The following MBNL1 variants were observed in gnomAD, a reference collection of about 807,000 sequenced individuals.
The protein encoded by MBNL1 is muscleblind like splicing regulator 1, also known as muscleblind-like protein 1.
A neutral mutation model predicts 42.2 loss-of-function variants in MBNL1; 8 were observed. The observed-to-expected ratio is 0.19, with a 90% confidence interval of 0.11 to 0.34. The LOEUF is 0.34. Ranked by LOEUF, MBNL1 falls within the 10% of genes least tolerant of loss-of-function variation. The pLI is 1.00. For synonymous variants in MBNL1, 169 were observed against 173.9 expected (o/e 0.97, Z 0.22); for missense variants, 309 against 495.3 (o/e 0.62, Z 3.57).
chr3:152,271,177 T>C (rs1274081875), intron 1 of MBNL1, among the ~76,000 whole-genome samples: 1 of 152,210 alleles, frequency 6.6e-6, no homozygotes, highest in African/African-American at 2.4e-5. Flanking sequence ...ATTTCCACAT[T>C]TGAGGCAAAG....
At chr3:152,406,417 G>T (rs1322726566) in intron 2 of MBNL1, among the ~76,000 whole-genome samples, 2 of 152,172 alleles carry the variant, frequency 1.3e-5, no homozygotes, top group Non-Finnish European at 2.9e-5. Context: ...TGCAACAGTT[G>T]TATGTGTATC....
intron 2 of MBNL1, among the ~76,000 whole-genome samples, chr3:152,257,181 T>A (rs572468593): frequency 3.9e-5 from 6 of 152,182 alleles, no homozygotes; most frequent in Non-Finnish European, 8.8e-5. Context: ...AATGCTTGAA[T>A]ATCTGCAATA....
intron 2 of MBNL1, among the ~76,000 whole-genome samples, chr3:152,364,563 GA>G (rs1269719979): frequency 6.6e-6 from 1 of 151,926 alleles, no homozygotes; most frequent in African/African-American, 2.4e-5. Context: ...TGTACAGTAA[GA>G]GCTGTAATGG....
chr3:152,357,458 T>C (rs550124673), intron 2 of MBNL1, among the ~76,000 whole-genome samples: 1 of 152,334 alleles, frequency 6.6e-6, no homozygotes, highest in South Asian at 2.1e-4. Context: ...AGCAGTTTTC[T>C]CATGCTTTCT....
chr3:152,384,528 A>G (rs758246875), intron 2 of MBNL1, among the ~76,000 whole-genome samples: 1 of 152,140 alleles, frequency 6.6e-6, no homozygotes, highest in Non-Finnish European at 1.5e-5. Context: ...TAATGACAAT[A>G]CTATAGAACA....
chr3:152,425,345 C>T (rs1054042311), intron 3 of MBNL1, among the ~76,000 whole-genome samples: 2 of 151,752 alleles, frequency 1.3e-5, no homozygotes, highest in African/African-American at 2.4e-5. Flanking sequence ...AATCAGGGTC[C>T]GGGTGTGGTG....
At chr3:152,266,089 T>C (rs2037184755), upstream of MBNL1, 1 of 152,366 alleles carries the variant, frequency 6.6e-6, no homozygotes, top group East Asian at 1.9e-4. Flanking sequence ...CATGTTATAA[T>C]GTTATCCAGT....
chr3:152,390,664 G>A (rs368570149), intron 2 of MBNL1, among the ~76,000 whole-genome samples: 24 of 149,544 alleles, frequency 1.6e-4, no homozygotes, highest in African/African-American at 5.6e-4. Flanking sequence ...TAAGTGGGTT[G>A]TAGTCCTCTG....
At chr3:152,367,213 T>A (rs1054782655) in intron 2 of MBNL1, among the ~76,000 whole-genome samples, 1 of 150,080 alleles carries the variant, frequency 6.7e-6, no homozygotes, top group Non-Finnish European at 1.5e-5. Flanking sequence ...GAGTGTAATG[T>A]TCCCCTCCCT....
intron 1 of MBNL1, among the ~76,000 whole-genome samples, chr3:152,285,281 G>A (rs1037060429): frequency 2.0e-5 from 3 of 152,070 alleles, no homozygotes; most frequent in African/African-American, 7.2e-5. Context: ...TACCAAGTTT[G>A]GTATTAAATT....
intron 3 of MBNL1, among the ~76,000 whole-genome samples, chr3:152,419,059 A>T (rs2098754485): frequency 6.6e-6 from 1 of 152,176 alleles, no homozygotes; most frequent in Non-Finnish European, 1.5e-5. Flanking sequence ...ATAAGATGAG[A>T]AAATAAGTAG....
intron 7 of MBNL1, 51 bp from the exon 8 acceptor site, chr3:152,456,216 A>C: frequency 7.9e-7 from 1 of 1,261,174 alleles, no homozygotes. Flanking sequence ...CATGGTTTCC[A>C]TATTGCTACA....
intron 7 of MBNL1, 53 bp downstream of exon 7, chr3:152,455,630 G>A (rs371080686): frequency 1.9e-4 from 283 of 1,525,450 alleles, no homozygotes; most frequent in Non-Finnish European, 2.3e-4. Context: ...GTACCTCACA[G>A]CCCCTCAAAA....
At chr3:152,255,248 T>C (rs918176278) in intron 2 of MBNL1, among the ~76,000 whole-genome samples, 26 of 152,282 alleles carry the variant, frequency 1.7e-4, no homozygotes, top group African/African-American at 5.8e-4. Flanking sequence ...AGCTGAACTA[T>C]TGAAATTGTT....
chr3:152,291,628 T>TTC (rs2056056890), intron 1 of MBNL1, among the ~76,000 whole-genome samples: 1 of 152,238 alleles, frequency 6.6e-6, no homozygotes, highest in Non-Finnish European at 1.5e-5. Flanking sequence ...GGTGATCTGT[T>TTC]TCTATTAATG....
intron 2 of MBNL1, among the ~76,000 whole-genome samples, chr3:152,347,031 A>C (rs1019989513): frequency 3.9e-5 from 6 of 152,108 alleles, no homozygotes; most frequent in Non-Finnish European, 7.4e-5. Flanking sequence ...TTTTTTTAAA[A>C]ATAAGAATAA....
intron 6 of MBNL1, among the ~76,000 whole-genome samples, chr3:152,454,762 G>T (rs1730298295): frequency 6.6e-6 from 1 of 152,058 alleles, no homozygotes; most frequent in Admixed American, 6.6e-5. Context: ...GCTACTCCCA[G>T]AAGTCTTGAA....
intron 2 of MBNL1, among the ~76,000 whole-genome samples, chr3:152,255,835 A>G (rs2035370644): frequency 6.6e-6 from 1 of 152,174 alleles, no homozygotes; most frequent in South Asian, 2.1e-4. Context: ...GAGAGGATTG[A>G]GAGCACCATG....
intron 2 of MBNL1, among the ~76,000 whole-genome samples, chr3:152,388,748 T>C (rs2097550663): frequency 6.6e-6 from 1 of 152,238 alleles, no homozygotes; most frequent in South Asian, 2.1e-4. Context: ...ATCTGGAAGC[T>C]TTATTAATGG....
Sources: gnomAD v4.1 joint callset for allele counts (sites outside exome capture counted in the v4.1 genomes callset) on GRCh38, gnomAD v4.1.1 for gene constraint, MANE v1.5 for transcripts, NCBI Gene and HGNC (gene_info 2026-07-23, HGNC 2026-07-21) for gene names.